The following TMEM132B variants were observed in gnomAD, a reference collection of about 807,000 sequenced individuals.
The protein encoded by TMEM132B is transmembrane protein 132B.
A neutral mutation model predicts 90.8 loss-of-function variants in TMEM132B; 18 were observed. The observed-to-expected ratio is 0.20, with a 90% confidence interval of 0.14 to 0.29. The LOEUF (loss-of-function observed/expected upper bound fraction) is 0.29, where lower values mean the gene tolerates loss of function less well. Ranked by LOEUF, TMEM132B falls within the 10% of genes least tolerant of loss-of-function variation. TMEM132B has a pLI of 1.00. For synonymous variants in TMEM132B, 504 were observed against 523.3 expected (o/e 0.96, Z 0.50); for missense variants, 1,096 against 1,326.8 (o/e 0.83, Z 2.70).
rs749950020 is a variant in TMEM132B at position 125,515,591 on chromosome 12, TCACA to T, written c.1107-3842_1107-3839del. On this transcript the variant is annotated intron_variant, in intron 3 of 8. Coordinates refer to ENST00000682704, the MANE Select transcript of TMEM132B (RefSeq NM_001366854.1). The stretch of plus-strand genomic sequence containing the variant: ...CACACTCACACACACACATTCCCTC[TCACA>T]CACACTCATACAACACATATTCACA... 6.9e-3 allele frequency among the ~76,000 whole-genome samples: 1,034 copies of T among 150,126 alleles called. 20 individuals carry two copies. Among genetic ancestry groups the T allele is most frequent in the African/African-American group, 0.025 (1,004 of 40,824 alleles).
intron 1 of TMEM132B, among the ~76,000 whole-genome samples, chr12:125,199,411 T>C (rs1873004280): frequency 6.6e-6 from 1 of 152,180 alleles, no homozygotes; most frequent in Non-Finnish European, 1.5e-5. Flanking sequence ...TGGGTCCCTG[T>C]TGGAGCAGGT....
rs182458625 is a variant in TMEM132B at position 125,542,811 on chromosome 12, C to G, written c.1293+23186C>G. Among the ~76,000 whole-genome samples the G allele has an allele frequency of 8.5e-5, 13 of 152,340 alleles. No homozygotes were observed. In the East Asian group the frequency reaches 2.5e-3, roughly 29 times the overall value. The stretch of plus-strand genomic sequence containing the variant: ...GCTGTGAACATGGGTGTTCAAATAT[C>G]TCTTCGAAGCCTTGCTTTCTGTTCT... On this transcript the variant is annotated intron_variant, in intron 4 of 8. Transcript: ENST00000682704.
intron 4 of TMEM132B, among the ~76,000 whole-genome samples, chr12:125,564,480 C>A (rs546621629): frequency 1.6e-4 from 25 of 152,204 alleles, no homozygotes; most frequent in South Asian, 1.2e-3. Flanking sequence ...GTTTTCTGTT[C>A]GGTTTTCTCA....
At chr12:125,546,787 T>A (rs180822853) in intron 4 of TMEM132B, among the ~76,000 whole-genome samples, 2 of 152,328 alleles carry the variant, frequency 1.3e-5, no homozygotes, top group Non-Finnish European at 2.9e-5. Flanking sequence ...CTTGGGTATA[T>A]ACCTAGGAGT....
intron 2 of TMEM132B, among the ~76,000 whole-genome samples, chr12:125,370,537 A>G (rs1211061382): frequency 6.6e-6 from 1 of 152,146 alleles, no homozygotes; most frequent in Non-Finnish European, 1.5e-5. Context: ...TTAACTGGGC[A>G]TCTGGGCAGT....
chr12:125,501,999 C>T (rs921648883), intron 3 of TMEM132B, among the ~76,000 whole-genome samples: 1 of 152,186 alleles, frequency 6.6e-6, no homozygotes, highest in Non-Finnish European at 1.5e-5. Context: ...TGTGTATCTG[C>T]ATGAGTGTGT....
intron 1 of TMEM132B, among the ~76,000 whole-genome samples, chr12:125,314,954 C>T (rs1462468807): frequency 6.6e-6 from 1 of 152,218 alleles, no homozygotes; most frequent in African/African-American, 2.4e-5. Context: ...CCTGTCTACA[C>T]TTGCAGGCAG....
At chr12:125,383,419 T>A (rs1335756662) in intron 2 of TMEM132B, among the ~76,000 whole-genome samples, 1 of 152,230 alleles carries the variant, frequency 6.6e-6, no homozygotes, top group African/African-American at 2.4e-5. Flanking sequence ...AAAATCAATC[T>A]GTTGATTTTC....
At chr12:125,480,197 A>C (rs1882000725) in intron 3 of TMEM132B, among the ~76,000 whole-genome samples, 1 of 152,226 alleles carries the variant, frequency 6.6e-6, no homozygotes, top group African/African-American at 2.4e-5. Flanking sequence ...CAATTAAAAG[A>C]GTTAGAGAAG....
chr12:125,394,038 GC>G (rs2136307840), intron 2 of TMEM132B, among the ~76,000 whole-genome samples: 1 of 152,332 alleles, frequency 6.6e-6, no homozygotes, highest in Admixed American at 6.5e-5. Flanking sequence ...ATCTGGAGGG[GC>G]AAACAGAGAA....
intron 3 of TMEM132B, among the ~76,000 whole-genome samples, chr12:125,499,786 T>C (rs1882648894): frequency 6.6e-6 from 1 of 152,240 alleles, no homozygotes; most frequent in Admixed American, 6.5e-5. Flanking sequence ...CAACTGTTAC[T>C]GCTGATAATA....
At chr12:125,465,142 A>G (rs1034191515) in intron 3 of TMEM132B, among the ~76,000 whole-genome samples, 1 of 152,250 alleles carries the variant, frequency 6.6e-6, no homozygotes, top group Non-Finnish European at 1.5e-5. Context: ...TAGCTCTGCT[A>G]CTAGGTAGCT....
intron 3 of TMEM132B, among the ~76,000 whole-genome samples, chr12:125,432,024 A>T (rs1157906805): frequency 6.6e-6 from 1 of 150,818 alleles, no homozygotes; most frequent in African/African-American, 2.5e-5. Flanking sequence ...TTCCTGTGCT[A>T]GGGAGACAGT....
chr12:125,482,923 G>T (rs954093712), intron 3 of TMEM132B, among the ~76,000 whole-genome samples: 1 of 152,090 alleles, frequency 6.6e-6, no homozygotes, highest in African/African-American at 2.4e-5. Flanking sequence ...CCATAAAAAA[G>T]GATGAGTTCA....
rs191444421 is a variant in TMEM132B, at chr12:125,617,593, C to G, written c.1438-26483C>G. Among the ~76,000 whole-genome samples, 41 of 152,288 alleles carry G rather than the reference C, an allele frequency of 2.7e-4. No homozygotes were observed. In the East Asian group the frequency reaches 3.1e-3, roughly 11 times the overall value. On this transcript the variant is annotated intron_variant, in intron 5 of 8. Coordinates refer to ENST00000682704, the MANE Select transcript of TMEM132B (RefSeq NM_001366854.1). ...CTCCCGACCTCAGGTGATCCACCCC[C>G]CTCGGCCTCCCAAAGTGCTGGGATT...
Position 125,349,570 on chromosome 12 carries a change from C to T in TMEM132B, c.186C>T (p.Asn62=). The change falls in exon 2 of 9, where the codon AAC becomes AAT. Residue 62 remains asparagine, a synonymous_variant. Coordinates refer to ENST00000682704, the MANE Select transcript of TMEM132B (RefSeq NM_001366854.1). This position sits in a 1 kb window ranked among gnomAD's most constrained non-coding sequence, Gnocchi z 4.1. ...AGTCCTTTTTCCTTAAAGAAGCCAA[C>T]CAAGACCTCACAAGGAACTCCAGTC... ...AEESFFLKEA[N]QDLTRNSSLQ... The T allele has an allele frequency of 6.2e-7, 1 of 1,614,168 alleles. No individual in the cohort carries two copies. Among genetic ancestry groups the T allele is most frequent in the Non-Finnish European group, 8.5e-7 (1 of 1,180,042 alleles).
intron 3 of TMEM132B, among the ~76,000 whole-genome samples, chr12:125,426,076 G>A (rs1880312656): frequency 6.6e-6 from 1 of 152,216 alleles, no homozygotes. Flanking sequence ...CAGTGAATGA[G>A]ACTTCCTGTG....
At chr12:125,399,121 A>G (rs1219930989) in intron 2 of TMEM132B, among the ~76,000 whole-genome samples, 1 of 152,208 alleles carries the variant, frequency 6.6e-6, no homozygotes, top group African/African-American at 2.4e-5. Context: ...AGTTCTAGTC[A>G]GTCAGCTAGT....
At position 125,460,661 on chromosome 12, in the gene TMEM132B, C is replaced by T. The variant is rs1403023087; in HGVS notation, c.1106+44984C>T. Among the ~76,000 whole-genome samples the T allele has an allele frequency of 6.6e-6, 1 of 152,144 alleles. No homozygotes were observed. Among genetic ancestry groups the T allele is most frequent in the African/African-American group, 2.4e-5 (1 of 41,426 alleles). ...CTTTTCATTGTTCTCAGCCCATAGA[C>T]CAGAGTCAAAGGATGAAATAAAACA... On this transcript the variant is annotated intron_variant, in intron 3 of 8. Transcript: ENST00000682704. The surrounding 1 kb of genome is among the most constrained non-coding windows in gnomAD (Gnocchi z 4.4).
Sources: gnomAD v4.1 joint callset for allele counts (sites outside exome capture counted in the v4.1 genomes callset) on GRCh38, gnomAD v4.1.1 for gene constraint, Gnocchi (gnomAD v3.1) non-coding constraint, MANE v1.5 for transcripts, NCBI Gene and HGNC (gene_info 2026-07-23, HGNC 2026-07-21) for gene names.